GRID2: variants seen among roughly 807,000 people sequenced by gnomAD.
GRID2 encodes glutamate ionotropic receptor delta type subunit 2.
Under a neutral mutation model 114.8 loss-of-function variants are expected in GRID2, and 33 were observed. The observed-to-expected ratio is 0.29, with a 90% CI of 0.22 to 0.38. GRID2 has a LOEUF of 0.38. GRID2 is among the 10% of genes least tolerant of loss of function. The pLI, the probability that GRID2 is intolerant of heterozygous loss-of-function variation, is 1.00. For synonymous variants in GRID2, 505 were observed against 449.9 expected (o/e 1.12, Z -1.55); for missense variants, 1,184 against 1,257.7 (o/e 0.94, Z 0.89).
chr4:93,595,096 T>A (rs1738935575), intron 13 of GRID2, among the ~76,000 whole-genome samples: 1 of 152,202 alleles, frequency 6.6e-6, no homozygotes, highest in Admixed American at 6.5e-5. Flanking sequence ...CCCTGCTTTT[T>A]AAGACATGCT....
In GRID2 at chr4:93,781,617, A is replaced by G. The variant is rs559137445; in HGVS notation, c.221+12167A>G. Reference sequence around the variant, plus strand: ...TGCCCAGACCCTTATATAAAATGGTATAGTGTTTGTCTATAATATATGCAT... The same window carrying G: ...TGCCCAGACCCTTATATAAAATGGTGTAGTGTTTGTCTATAATATATGCAT... On this transcript the variant is annotated intron_variant, in intron 1 of 1. Transcript: ENST00000637838. Among the ~76,000 whole-genome samples the G allele has an allele frequency of 1.2e-4, 19 of 152,282 alleles. No individual in the cohort carries two copies. In the South Asian group the frequency reaches 3.9e-3, roughly 32 times the overall value.
intron 1 of GRID2, among the ~76,000 whole-genome samples, chr4:92,568,198 T>C (rs748293695): frequency 1.3e-5 from 2 of 151,966 alleles, no homozygotes; most frequent in African/African-American, 2.4e-5. Context: ...ATACTTTTTG[T>C]ATTGCAGGAG....
At chr4:93,086,096 G>A (rs1730308521) in intron 3 of GRID2, among the ~76,000 whole-genome samples, 1 of 152,070 alleles carries the variant, frequency 6.6e-6, no homozygotes, top group Admixed American at 6.6e-5. Flanking sequence ...ATAGAGATGA[G>A]TATGATCAAA....
chr4:92,371,631 A>G (rs1205386972), intron 1 of GRID2, among the ~76,000 whole-genome samples: 2 of 152,260 alleles, frequency 1.3e-5, no homozygotes, highest in East Asian at 3.9e-4. Flanking sequence ...ATCACTGCTC[A>G]CTGGTAATGG....
chr4:92,717,272 G>T (rs1044707379), intron 2 of GRID2, among the ~76,000 whole-genome samples: 2 of 152,126 alleles, frequency 1.3e-5, no homozygotes, highest in African/African-American at 4.8e-5. Flanking sequence ...AAAGCTAGAA[G>T]GAAAACAGCC....
chr4:93,317,250 T>G (rs1756753275), intron 8 of GRID2, among the ~76,000 whole-genome samples: 1 of 152,052 alleles, frequency 6.6e-6, no homozygotes, highest in African/African-American at 2.4e-5. Context: ...TGTAATTACC[T>G]GCAGGCAGTT....
At chr4:93,450,166 G>A (rs558954393) in intron 10 of GRID2, among the ~76,000 whole-genome samples, 5 of 151,964 alleles carry the variant, frequency 3.3e-5, no homozygotes, top group African/African-American at 1.2e-4. Context: ...AGAATGACAA[G>A]TATTTTGAGG....
chr4:92,561,709 CA>C (rs1285432756), intron 1 of GRID2, among the ~76,000 whole-genome samples: 1 of 152,104 alleles, frequency 6.6e-6, no homozygotes, highest in East Asian at 1.9e-4. Context: ...GATTCATTAA[CA>C]AAAATTTTTT....
At chr4:93,444,047 CAG>C (rs1474155924) in intron 10 of GRID2, among the ~76,000 whole-genome samples, 3 of 151,680 alleles carry the variant, frequency 2.0e-5, no homozygotes, top group African/African-American at 4.8e-5. Context: ...GAATATAAAA[CAG>C]ATATTATGGG....
chr4:93,781,475 C>A (rs1400989403), intron 1 of GRID2, among the ~76,000 whole-genome samples: 5 of 151,914 alleles, frequency 3.3e-5, no homozygotes, highest in Admixed American at 1.3e-4. Context: ...CCTTACAGCA[C>A]CTTTGCTTTG....
chr4:93,267,667 C>T (rs982416044), intron 8 of GRID2, among the ~76,000 whole-genome samples: 2 of 152,202 alleles, frequency 1.3e-5, no homozygotes, highest in African/African-American at 4.8e-5. Flanking sequence ...CTAAAACCCT[C>T]TCAGTCCAGT....
intron 1 of GRID2, among the ~76,000 whole-genome samples, chr4:92,456,291 T>C (rs564410902): frequency 6.6e-6 from 1 of 152,132 alleles, no homozygotes; most frequent in Non-Finnish European, 1.5e-5. Flanking sequence ...TTTTCTTCCA[T>C]TATTCCTTTA....
intron 13 of GRID2, among the ~76,000 whole-genome samples, chr4:93,570,878 A>C (rs950132914): frequency 1.3e-5 from 2 of 152,244 alleles, no homozygotes; most frequent in Middle Eastern, 3.4e-3. Flanking sequence ...AATTCCTCTC[A>C]TTGCCTCTTC....
At chr4:92,920,886 T>C (rs1239725031) in intron 2 of GRID2, among the ~76,000 whole-genome samples, 1 of 152,188 alleles carries the variant, frequency 6.6e-6, no homozygotes, top group East Asian at 1.9e-4. Flanking sequence ...TAAATTTGAA[T>C]GTTGGTCTGC....
rs898562745 is a variant in GRID2 at position 93,240,442 on chromosome 4, A to AT, written c.1245+1962dup. Among the ~76,000 whole-genome samples, 702 of 147,282 alleles carry AT rather than the reference A, an allele frequency of 4.8e-3. 8 individuals are homozygous for AT. The highest frequency in any genetic ancestry group is 0.016 in the African/African-American group (647 of 40,430). On this transcript the variant is annotated intron_variant, in intron 8 of 15. Transcript: ENST00000282020. ...GGTGTTTCTGAGTTAATTGCTCATTATTTTTTTTTTGGAGAAGGGTGTCTT... is the reference window on the plus strand; with the variant it reads ...GGTGTTTCTGAGTTAATTGCTCATTATTTTTTTTTTTGGAGAAGGGTGTCTT...
intron 13 of GRID2, among the ~76,000 whole-genome samples, chr4:93,517,918 G>A (rs1729890563): frequency 6.8e-6 from 1 of 146,502 alleles, no homozygotes; most frequent in African/African-American, 2.5e-5. Context: ...GTGTGTGTAT[G>A]TATATACTAT....
chr4:93,215,691 C>T (rs374667470), intron 5 of GRID2, among the ~76,000 whole-genome samples: 4 of 151,898 alleles, frequency 2.6e-5, no homozygotes, highest in East Asian at 1.9e-4. Flanking sequence ...ATATAAAGGA[C>T]GATTTTTGAA....
intron 2 of GRID2, among the ~76,000 whole-genome samples, chr4:93,007,488 CTATA>C (rs1346230417): frequency 6.6e-6 from 1 of 152,028 alleles, no homozygotes; most frequent in Non-Finnish European, 1.5e-5. Flanking sequence ...CAAGGAAAGA[CTATA>C]TGAGCTAAGG....
intron 2 of GRID2, among the ~76,000 whole-genome samples, chr4:92,887,900 T>A (rs560630332): frequency 6.6e-6 from 1 of 152,238 alleles, no homozygotes; most frequent in Non-Finnish European, 1.5e-5. Context: ...TTTTATACCA[T>A]GTTCTCTCGC....
Sources: allele counts gnomAD v4.1 joint callset (sites outside exome capture counted in the v4.1 genomes callset), GRCh38; gene constraint gnomAD v4.1.1; transcripts MANE v1.5; gene names NCBI Gene and HGNC (gene_info 2026-07-23, HGNC 2026-07-21).